ZMIZ1: variants seen among roughly 807,000 people sequenced by gnomAD.
ZMIZ1 encodes zinc finger MIZ-type containing 1.
In ZMIZ1, 17 loss-of-function variants were observed where a neutral mutation model predicts 113.9. The observed-to-expected ratio is 0.15, with a 90% CI of 0.10 to 0.22. ZMIZ1 has a LOEUF of 0.22. Ranked by LOEUF, ZMIZ1 falls within the 10% of genes least tolerant of loss-of-function variation. ZMIZ1 has a pLI of 1.00. For missense variants in ZMIZ1, 1,059 were observed against 1,477.8 expected (o/e 0.72, Z 4.65); for synonymous variants, 607 against 603.1 (o/e 1.01, Z -0.09).
At position 79,202,357 on chromosome 10, in the gene ZMIZ1, G is replaced by A. The variant is rs183413005; in HGVS notation, c.60+665G>A. ...AGTGATTCACACCTGTAATCTCAGCGCTTTGGGAGGCTAAGGGAGGAGGAT... is the reference window on the plus strand; with the variant it reads ...AGTGATTCACACCTGTAATCTCAGCACTTTGGGAGGCTAAGGGAGGAGGAT... On this transcript the variant is annotated intron_variant, in intron 5 of 24. Transcript: ENST00000334512. 4.4e-3 allele frequency among the ~76,000 whole-genome samples: 664 copies of A among 151,982 alleles called. 7 individuals carry two copies. Among genetic ancestry groups the A allele is most frequent in the South Asian group, 0.012 (58 of 4,800 alleles).
chr10:79,079,207 C>T lies in ZMIZ1; in HGVS notation c.-337+9937C>T, dbSNP rs574388000. ...AGGCCAACTGGGCAGAGGGGTGGGG[C>T]CTCTGCCATGTCCCTAGAGACAGGC... On this transcript the variant is annotated intron_variant, in intron 1 of 24. Transcript: ENST00000334512. 3.5e-4 allele frequency among the ~76,000 whole-genome samples: 54 copies of T among 152,370 alleles called. 2 individuals are homozygous for T. In the South Asian group the frequency reaches 8.9e-3, roughly 25 times the overall value.
intron 4 of ZMIZ1, among the ~76,000 whole-genome samples, chr10:79,171,857 G>A (rs1012445410): frequency 4.6e-5 from 7 of 152,152 alleles, no homozygotes; most frequent in East Asian, 1.9e-4. Flanking sequence ...CCTGTCCTGC[G>A]ACAGGAAGGC....
intron 5 of ZMIZ1, among the ~76,000 whole-genome samples, chr10:79,203,804 A>G (rs1027572238): frequency 1.3e-5 from 2 of 152,066 alleles, no homozygotes; most frequent in African/African-American, 4.8e-5. Context: ...ACTTCCCTTC[A>G]TCTATAAAAT....
intron 4 of ZMIZ1, among the ~76,000 whole-genome samples, chr10:79,175,596 G>GTA (rs1846804988): frequency 1.8e-5 from 2 of 109,998 alleles, no homozygotes; most frequent in African/African-American, 1.1e-4. Flanking sequence ...GTGTGTGTGT[G>GTA]TGTGTGTGTG....
At chr10:79,251,245 C>T (rs1158252878) in intron 7 of ZMIZ1, among the ~76,000 whole-genome samples, 1 of 152,138 alleles carries the variant, frequency 6.6e-6, no homozygotes, top group Non-Finnish European at 1.5e-5. Context: ...GGACCTCTCA[C>T]CCTGTCTAAG....
intron 7 of ZMIZ1, among the ~76,000 whole-genome samples, chr10:79,256,008 CG>C (rs1564556373): frequency 6.6e-6 from 1 of 152,136 alleles, no homozygotes; most frequent in African/African-American, 2.4e-5. Context: ...GGGGGGAATG[CG>C]GGTGTCCTGG....
At chr10:79,292,650 A>T in intron 11 of ZMIZ1, 1 of 505,892 alleles carries the variant, frequency 2.0e-6, no homozygotes, top group South Asian at 1.8e-5. Flanking sequence ...AAGGTTCTAC[A>T]TGGCTCTCTG....
chr10:79,271,838 AC>A (rs1379221650), intron 7 of ZMIZ1, among the ~76,000 whole-genome samples: 1 of 152,180 alleles, frequency 6.6e-6, no homozygotes, highest in Non-Finnish European at 1.5e-5. Context: ...GAGGGGGCTT[AC>A]GAATAAGAGA....
In ZMIZ1 at chr10:79,259,181, C is replaced by T. The variant is rs556817054; in HGVS notation, c.281-18000C>T. On this transcript the variant is annotated intron_variant, in intron 7 of 24. Transcript: ENST00000334512. ...CCAAACTTCCCAAGGCCCTGCCCGG[C>T]TCCTGGACTGTTTAATTTGTTTTTT... is the stretch of plus-strand genomic sequence containing the variant. Among the ~76,000 whole-genome samples the T allele has an allele frequency of 5.9e-5, 9 of 152,322 alleles. No homozygotes were observed. In the East Asian group the frequency reaches 1.5e-3, roughly 26 times the overall value.
At chr10:79,254,151 T>C (rs867703897) in intron 7 of ZMIZ1, among the ~76,000 whole-genome samples, 113 of 152,344 alleles carry the variant, frequency 7.4e-4, no homozygotes, top group African/African-American at 2.6e-3. Context: ...TCTGAGGTTT[T>C]CCAGCCGCTT....
At chr10:79,116,598 C>T (rs550623263) in intron 1 of ZMIZ1, among the ~76,000 whole-genome samples, 1 of 152,252 alleles carries the variant, frequency 6.6e-6, no homozygotes, top group South Asian at 2.1e-4. Flanking sequence ...TGGGGATGGG[C>T]TACAGAGGCC....
intron 4 of ZMIZ1, among the ~76,000 whole-genome samples, chr10:79,184,885 C>A (rs1340204265): frequency 4.6e-5 from 7 of 152,210 alleles, no homozygotes; most frequent in African/African-American, 1.7e-4. Flanking sequence ...GGGTCCTCAG[C>A]TGCTGTCAGA....
intron 4 of ZMIZ1, among the ~76,000 whole-genome samples, chr10:79,196,892 C>G (rs1467627570): frequency 1.3e-5 from 2 of 152,270 alleles, no homozygotes; most frequent in African/African-American, 4.8e-5. Context: ...GCCAGGAAAC[C>G]AGAGAAGCCC....
At chr10:79,283,342 C>T (rs987303718) in intron 8 of ZMIZ1, among the ~76,000 whole-genome samples, 3 of 152,174 alleles carry the variant, frequency 2.0e-5, no homozygotes, top group African/African-American at 7.2e-5. Flanking sequence ...CAGTTACTTA[C>T]CCTCCTTGTG....
At position 79,302,036 on chromosome 10, in the gene ZMIZ1, T is replaced by A. The variant is rs978063439; in HGVS notation, c.2020-71T>A. 5 of 1,516,332 alleles carry A rather than the reference T, an allele frequency of 3.3e-6. No individual in the cohort carries two copies. In the Admixed American group the frequency reaches 6.7e-5, roughly 20 times the overall value. 93.9% of individuals were successfully genotyped at this position (1,516,332 alleles called of 1,614,324 possible). A position where few individuals can be genotyped will look rare whatever the true frequency, so the allele number is the denominator to read the frequency against. On this transcript the variant is annotated intron_variant, in intron 17 of 24. Transcript: ENST00000334512. ...TGGGATCCTGGGAGCAGTCTAGGGC[T>A]GCTGAGGCTGCAGGCAGGGCGGGGT... is the stretch of plus-strand genomic sequence containing the variant.
intron 3 of ZMIZ1, among the ~76,000 whole-genome samples, chr10:79,143,956 C>T (rs1845376859): frequency 6.6e-6 from 1 of 152,110 alleles, no homozygotes; most frequent in Admixed American, 6.5e-5. Context: ...GACTTGTGGA[C>T]CTCCTCTCCC....
intron 3 of ZMIZ1, among the ~76,000 whole-genome samples, chr10:79,152,752 T>G (rs1179061379): frequency 1.3e-5 from 2 of 152,254 alleles, no homozygotes; most frequent in African/African-American, 4.8e-5. Context: ...AGCCTCTGTT[T>G]CCTCATCTGT....
chr10:79,241,102 T>C (rs1849811094), intron 7 of ZMIZ1, among the ~76,000 whole-genome samples: 2 of 152,216 alleles, frequency 1.3e-5, no homozygotes, highest in Non-Finnish European at 2.9e-5. Flanking sequence ...ATAGTGGCTC[T>C]TTGGATTCTG....
intron 21 of ZMIZ1, 106 bp from the exon 22 acceptor site, chr10:79,305,994 C>T (rs995983581): frequency 1.5e-5 from 22 of 1,505,514 alleles, no homozygotes; most frequent in Middle Eastern, 2.2e-4. Flanking sequence ...AGAGTGGGAG[C>T]AGGGGCCTCA....
Sources: allele counts gnomAD v4.1 joint callset (sites outside exome capture counted in the v4.1 genomes callset), GRCh38; gene constraint gnomAD v4.1.1; transcripts MANE v1.5; gene names NCBI Gene and HGNC (gene_info 2026-07-23, HGNC 2026-07-21).